The following TP53BP2 variants were observed in gnomAD, a reference collection of about 807,000 sequenced individuals.
TP53BP2 encodes apoptosis-stimulating of p53 protein 2.
A neutral mutation model predicts 126.2 loss-of-function variants in TP53BP2; 62 were observed. That is an observed-to-expected ratio of 0.49 (90% CI 0.40 to 0.61). The LOEUF (loss-of-function observed/expected upper bound fraction) is 0.61. Among genes scored for constraint, TP53BP2 ranks in the 20% least tolerant of loss-of-function variants. TP53BP2 has a pLI of 0.00. For missense variants in TP53BP2, 1,215 were observed against 1,402.8 expected, an observed-to-expected ratio of 0.87 and a Z score of 2.14; for synonymous variants, 485 against 502.9, an observed-to-expected ratio of 0.96 and a Z score of 0.48.
chr1:223,796,076 A>G lies in TP53BP2; in HGVS notation c.2463T>C (p.Asn821=). ...GCATGTCACTGTTCTCTGTACTGGC[A>G]TTCCCCACATCCTCTGGGGACAATG... ...PESLSPEDVG[N]ASTENSDMPA... Residue 821 remains asparagine, a synonymous_variant, in exon 13 of 18, where the codon AAT becomes AAC. Coordinates refer to ENST00000343537, the MANE Select transcript of TP53BP2 (RefSeq NM_001031685.3). This position sits in a 1 kb window ranked among gnomAD's most constrained non-coding sequence, Gnocchi z 4.2. 6.2e-7 allele frequency: 1 copy of G among 1,614,192 alleles called. No individual in the cohort carries two copies. Among genetic ancestry groups the G allele is most frequent in the Non-Finnish European group, 8.5e-7 (1 of 1,180,046 alleles).
intron 1 of TP53BP2, among the ~76,000 whole-genome samples, chr1:223,841,614 A>G (rs1664105026): frequency 6.6e-6 from 1 of 152,246 alleles, no homozygotes; most frequent in African/African-American, 2.4e-5. Context: ...AAATAATAAT[A>G]CAAGTATTTA....
Position 223,798,645 on chromosome 1 carries a change from A to T in TP53BP2, c.1518T>A (p.Pro506=). Residue 506 remains proline (P), a synonymous_variant, in exon 12 of 18, where the codon CCT becomes CCA. Transcript: ENST00000343537. ...VANKNVAKVP[P]PVPTKPKQIN... Reference sequence around the variant, plus strand: ...TCTGTTTTGGTTTTGTAGGAACAGGAGGTGGTACTTTAGCCACATTTTTAT... The same window carrying T: ...TCTGTTTTGGTTTTGTAGGAACAGGTGGTGGTACTTTAGCCACATTTTTAT... 1 of 1,611,590 alleles carries T rather than the reference A, an allele frequency of 6.2e-7. No homozygotes were observed. Among genetic ancestry groups the T allele is most frequent in the South Asian group, 1.1e-5 (1 of 90,766 alleles).
At chr1:223,840,065 G>C (rs944016242) in intron 1 of TP53BP2, among the ~76,000 whole-genome samples, 6 of 152,142 alleles carry the variant, frequency 3.9e-5, no homozygotes, top group African/African-American at 7.2e-5. Context: ...TAGAAAAAAA[G>C]TTTCTAAATC....
intron 11 of TP53BP2, 56 bp from the exon 12 acceptor site, chr1:223,798,733 T>C: frequency 7.3e-7 from 1 of 1,370,624 alleles, no homozygotes; most frequent in South Asian, 1.4e-5. Context: ...GTACACAGGA[T>C]GTTCTAGATA....
At chr1:223,816,987 C>T (rs1558102400) in intron 2 of TP53BP2, among the ~76,000 whole-genome samples, 2 of 151,012 alleles carry the variant, frequency 1.3e-5, no homozygotes, top group Admixed American at 6.6e-5. Flanking sequence ...TAGCAAAACC[C>T]CATCTTTACA....
At chr1:223,845,530 G>C (rs1664238402) in intron 1 of TP53BP2, 124 bp downstream of exon 1, 1 of 1,094,468 alleles carries the variant, frequency 9.1e-7, no homozygotes, top group East Asian at 3.3e-5. Context: ...GGAAAGCCCC[G>C]GCCCCTCCGC....
In TP53BP2 at chr1:223,800,754, G is replaced by A. The variant is rs769066285; in HGVS notation, c.1282C>T (p.Pro428Ser). The stretch of plus-strand genomic sequence containing the variant: ...GGTACAGAAGCAGAGCCTTGGCTTG[G>A]GAAAAGATCTGCATTTGAAGGACTC... ...DWSPSNADLF[P>S]SQGSASVPQS... is the part of the protein sequence containing the mutation. The change falls in exon 10 of 18, where the codon CCA becomes TCA. Residue 428 changes from proline to serine, a missense_variant. Physicochemically the swap from Pro to Ser is moderately conservative, Grantham distance 74 (BLOSUM62 -1). Transcript: ENST00000343537. 17 of 1,610,792 alleles carry A rather than the reference G, an allele frequency of 1.1e-5. No homozygotes were observed. Among genetic ancestry groups the A allele is most frequent in the African/African-American group, 4.0e-5 (3 of 74,614 alleles).
chr1:223,794,842 A>AT (rs1399539512), intron 13 of TP53BP2, among the ~76,000 whole-genome samples: 2 of 152,244 alleles, frequency 1.3e-5, no homozygotes, highest in African/African-American at 2.4e-5. Flanking sequence ...ACTGTAACCA[A>AT]TTGTTAAAAA....
rs369367763 is a variant in TP53BP2, at chr1:223,784,067, C to T, written c.3363+48G>A. On this transcript the variant is annotated intron_variant, in intron 17 of 17. Transcript: ENST00000343537. ...ATAACATACAGCAGTTTTTACAAAG[C>T]CCCTCTCTGGCACATATGAAAACAC... The T allele has an allele frequency of 1.0e-4, 163 of 1,558,486 alleles. No individual in the cohort carries two copies. In the African/African-American group the frequency reaches 2.1e-3, roughly 21 times the overall value.
intron 16 of TP53BP2, among the ~76,000 whole-genome samples, chr1:223,788,016 C>T (rs1317597898): frequency 6.6e-6 from 1 of 152,152 alleles, no homozygotes; most frequent in Non-Finnish European, 1.5e-5. Context: ...CTACAGTGGG[C>T]AATGACCATG....
intron 1 of TP53BP2, among the ~76,000 whole-genome samples, chr1:223,823,055 C>T (rs1173940765): frequency 1.3e-5 from 2 of 152,134 alleles, no homozygotes; most frequent in African/African-American, 2.4e-5. Flanking sequence ...CTTTTAAAAT[C>T]ATTAATGAAA....
chr1:223,841,286 C>T (rs1664096551), intron 1 of TP53BP2, among the ~76,000 whole-genome samples: 1 of 107,232 alleles, frequency 9.3e-6, no homozygotes, highest in Non-Finnish European at 1.9e-5. Flanking sequence ...ATATTTTGCA[C>T]ATTTCTAAAA....
chr1:223,835,144 C>T (rs1003194120), intron 1 of TP53BP2, among the ~76,000 whole-genome samples: 3 of 152,216 alleles, frequency 2.0e-5, no homozygotes, highest in African/African-American at 7.2e-5. Context: ...AGAGGATGTT[C>T]ACATCCTGAA....
Position 223,796,603 on chromosome 1 carries a change from G to T in TP53BP2, c.1949-13C>A. ...GGCTTACCATATACTAATTGGAAAAGGAAAAAAAAAAGCCCTCATTAGCAT... is the reference window on the plus strand; with the variant it reads ...GGCTTACCATATACTAATTGGAAAATGAAAAAAAAAAGCCCTCATTAGCAT... On this transcript the variant is annotated splice_polypyrimidine_tract_variant and intron_variant, in intron 12 of 17. Transcript: ENST00000343537. This position sits in a 1 kb window ranked among gnomAD's most constrained non-coding sequence, Gnocchi z 4.2. 6.6e-7 allele frequency: 1 copy of T among 1,514,884 alleles called. No individual in the cohort carries two copies. 93.8% of individuals were successfully genotyped at this position (1,514,884 alleles called of 1,614,324 possible).
At chr1:223,825,492 TTTA>T (rs1663460229) in intron 1 of TP53BP2, among the ~76,000 whole-genome samples, 2 of 152,324 alleles carry the variant, frequency 1.3e-5, no homozygotes, top group South Asian at 4.1e-4. Flanking sequence ...TCTCACCTGA[TTTA>T]TTTTCACGGT....
chr1:223,841,505 T>C (rs1026593542), intron 1 of TP53BP2, among the ~76,000 whole-genome samples: 1 of 152,178 alleles, frequency 6.6e-6, no homozygotes, highest in Non-Finnish European at 1.5e-5. Context: ...GTCATACAAA[T>C]ATAATGTTTC....
intron 1 of TP53BP2, among the ~76,000 whole-genome samples, chr1:223,822,601 C>T (rs534326600): frequency 5.3e-5 from 8 of 151,500 alleles, no homozygotes; most frequent in African/African-American, 1.7e-4. Flanking sequence ...TCCAGGAGGT[C>T]GCAGCTGTAG....
chr1:223,814,670 T>C (rs949974809), intron 2 of TP53BP2, among the ~76,000 whole-genome samples: 3 of 152,206 alleles, frequency 2.0e-5, no homozygotes, highest in South Asian at 2.1e-4. Context: ...CAAAAGTTTC[T>C]GTAAAATCTA....
chr1:223,832,229 A>C (rs1458317450), intron 1 of TP53BP2, among the ~76,000 whole-genome samples: 1 of 152,244 alleles, frequency 6.6e-6, no homozygotes, highest in African/African-American at 2.4e-5. Context: ...TCATTTACAA[A>C]AACTCAAATC....
Sources: allele counts gnomAD v4.1 joint callset (sites outside exome capture counted in the v4.1 genomes callset), GRCh38; gene constraint gnomAD v4.1.1; non-coding constraint Gnocchi (gnomAD v3.1); transcripts MANE v1.5; gene names NCBI Gene and HGNC (gene_info 2026-07-23, HGNC 2026-07-21).